CDH12: variants seen among roughly 807,000 people sequenced by gnomAD.
CDH12 encodes the protein cadherin-12.
In CDH12, 41 loss-of-function variants were observed where a neutral mutation model predicts 74.1. That is an observed-to-expected ratio of 0.55 (90% CI 0.43 to 0.72). The LOEUF (loss-of-function observed/expected upper bound fraction) is 0.72, where lower values mean the gene tolerates loss of function less well. Among genes scored for constraint, CDH12 ranks in the 30% least tolerant of loss-of-function variants. CDH12 has a pLI of 0.00. For missense variants in CDH12, 945 were observed against 977.2 expected, an observed-to-expected ratio of 0.97 and a Z score of 0.44; for synonymous variants, 399 against 355.0, an observed-to-expected ratio of 1.12 and a Z score of -1.39.
intron 6 of CDH12, among the ~76,000 whole-genome samples, chr5:21,915,217 G>A (rs1015717391): frequency 2.0e-5 from 3 of 152,092 alleles, no homozygotes; most frequent in African/African-American, 7.2e-5. Flanking sequence ...TGAACAACAG[G>A]CTAGACATTA....
chr5:22,412,212 A>G (rs1229050836), intron 2 of CDH12, among the ~76,000 whole-genome samples: 1 of 151,972 alleles, frequency 6.6e-6, no homozygotes, highest in Admixed American at 6.6e-5. Flanking sequence ...CAGTAGAGGT[A>G]AAAACATATT....
chr5:21,825,973 C>T (rs567403237), intron 8 of CDH12, among the ~76,000 whole-genome samples: 10 of 152,236 alleles, frequency 6.6e-5, no homozygotes, highest in African/African-American at 2.4e-4. Context: ...CAGGGACCAT[C>T]CAAAGAGATT....
intron 1 of CDH12, among the ~76,000 whole-genome samples, chr5:22,632,685 A>C (rs892365147): frequency 3.3e-5 from 5 of 152,144 alleles, no homozygotes. Flanking sequence ...GTAGGGCACC[A>C]TCAACTGTAC....
Position 22,639,050 on chromosome 5 carries a change from C to CAAAA in CDH12, c.-522-133690_-522-133687dup, listed in dbSNP as rs545549665. The CAAAA allele has an allele frequency of 4.5e-4, 29 of 64,262 alleles. 3 individuals carry two copies. The highest frequency in any genetic ancestry group is 1.9e-3 in the East Asian group (3 of 1,564). The allele number at this position is 64,262 out of a possible 1,614,324, so 4.0% of individuals were successfully genotyped here. A position where few individuals can be genotyped will look rare whatever the true frequency, so the allele number is the denominator to read the frequency against. ...TGGGCGTCAGAGTGAGAGTCCGCCT[C>CAAAA]AAAAAAAAAAAAAAAAAAAAAAAAA... On this transcript the variant is annotated intron_variant, in intron 1 of 14. Transcript: ENST00000382254.
At chr5:22,255,240 C>T (rs1753271547) in intron 3 of CDH12, among the ~76,000 whole-genome samples, 1 of 151,498 alleles carries the variant, frequency 6.6e-6, no homozygotes, top group South Asian at 2.1e-4. Flanking sequence ...AAGACAAATA[C>T]TTTAACCTCT....
At chr5:22,639,725 C>A (rs1319109056) in intron 1 of CDH12, among the ~76,000 whole-genome samples, 7 of 152,112 alleles carry the variant, frequency 4.6e-5, no homozygotes, top group African/African-American at 7.2e-5. Context: ...ATTCTCTCCC[C>A]ACTAATTAGC....
chr5:22,229,806 T>C (rs2150374189), intron 3 of CDH12, among the ~76,000 whole-genome samples: 1 of 152,220 alleles, frequency 6.6e-6, no homozygotes, highest in African/African-American at 2.4e-5. Context: ...TAATGTGCTT[T>C]GAGTCAATAA....
intron 6 of CDH12, among the ~76,000 whole-genome samples, chr5:21,927,894 C>A (rs1362157777): frequency 1.3e-5 from 2 of 151,730 alleles, no homozygotes; most frequent in South Asian, 2.1e-4. Context: ...ACGGTGAAAC[C>A]CCGTCTCTAC....
intron 1 of CDH12, among the ~76,000 whole-genome samples, chr5:22,698,274 A>T (rs1171628908): frequency 6.6e-6 from 1 of 151,124 alleles, no homozygotes; most frequent in Admixed American, 6.6e-5. Context: ...GGCATGCATC[A>T]CCACACTTGG....
chr5:21,947,713 C>T (rs1010259479), intron 6 of CDH12, among the ~76,000 whole-genome samples: 9 of 152,168 alleles, frequency 5.9e-5, no homozygotes, highest in African/African-American at 9.7e-5. Flanking sequence ...AACAAGAAGC[C>T]GAATGTTGTT....
At chr5:21,945,109 A>G (rs1390566468) in intron 6 of CDH12, among the ~76,000 whole-genome samples, 1 of 151,704 alleles carries the variant, frequency 6.6e-6, no homozygotes, top group Non-Finnish European at 1.5e-5. Context: ...GAGAAAGACA[A>G]CAGACACCAA....
intron 1 of CDH12, among the ~76,000 whole-genome samples, chr5:22,676,893 A>G (rs1258711049): frequency 6.6e-6 from 1 of 152,194 alleles, no homozygotes; most frequent in Non-Finnish European, 1.5e-5. Context: ...TACAAATAGT[A>G]GTATTTCTCT....
intron 5 of CDH12, among the ~76,000 whole-genome samples, chr5:22,064,894 C>T (rs1741453503): frequency 6.6e-6 from 1 of 152,016 alleles, no homozygotes; most frequent in Admixed American, 6.6e-5. Context: ...TTGTGAGTGG[C>T]TGAAATACAA....
At chr5:22,447,341 C>A (rs189339791) in intron 2 of CDH12, among the ~76,000 whole-genome samples, 195 of 152,052 alleles carry the variant, frequency 1.3e-3, no homozygotes, top group African/African-American at 4.0e-3. Context: ...ACAGAGAGAT[C>A]TAAACAATAA....
At chr5:22,840,499 A>C (rs1737034844) in intron 1 of CDH12, among the ~76,000 whole-genome samples, 2 of 150,218 alleles carry the variant, frequency 1.3e-5, no homozygotes, top group Admixed American at 6.7e-5. Flanking sequence ...ACAGTGATTT[A>C]TATATATTAT....
intron 1 of CDH12, among the ~76,000 whole-genome samples, chr5:22,755,952 T>C (rs562210689): frequency 2.6e-5 from 4 of 151,902 alleles, no homozygotes; most frequent in Non-Finnish European, 5.9e-5. Flanking sequence ...ACTTTGCTTT[T>C]ATTATAATTT....
intron 7 of CDH12, among the ~76,000 whole-genome samples, chr5:21,848,110 C>G (rs1442179269): frequency 1.3e-5 from 2 of 152,042 alleles, no homozygotes; most frequent in African/African-American, 4.8e-5. Context: ...TTCTTGTAAT[C>G]TTCATCATTA....
intron 9 of CDH12, among the ~76,000 whole-genome samples, chr5:21,808,146 C>T (rs1486132780): frequency 1.3e-5 from 2 of 151,962 alleles, no homozygotes; most frequent in Admixed American, 1.3e-4. Flanking sequence ...CACACAACAA[C>T]AATACAAAAC....
intron 3 of CDH12, among the ~76,000 whole-genome samples, chr5:22,327,835 T>C (rs1271245336): frequency 6.6e-6 from 1 of 152,178 alleles, no homozygotes; most frequent in Non-Finnish European, 1.5e-5. Flanking sequence ...ACCTTGTCCT[T>C]TGATCTCCCC....
Sources: allele counts gnomAD v4.1 joint callset (sites outside exome capture counted in the v4.1 genomes callset), GRCh38; gene constraint gnomAD v4.1.1; transcripts MANE v1.5; gene names NCBI Gene and HGNC (gene_info 2026-07-23, HGNC 2026-07-21).